The following MAML2 variants were observed in gnomAD, a reference collection of about 807,000 sequenced individuals.
MAML2 encodes mastermind like transcriptional coactivator 2, also known as mastermind-like protein 2.
A neutral mutation model predicts 96.1 loss-of-function variants in MAML2; 22 were observed. The ratio of observed to expected loss-of-function variants is 0.23; its 90% CI spans 0.16 to 0.33. MAML2 has a LOEUF of 0.33. Ranked by LOEUF, MAML2 falls within the 10% of genes least tolerant of loss-of-function variation. The pLI, the probability that MAML2 is intolerant of heterozygous loss-of-function variation, is 1.00. For synonymous variants in MAML2, 561 were observed against 521.3 expected (o/e 1.08, Z -1.04); for missense variants, 1,367 against 1,392.4 (o/e 0.98, Z 0.29).
chr11:95,979,395 T>C lies in MAML2; in HGVS notation c.3024A>G (p.Gln1008=), dbSNP rs753841139. ...GAGGAGCCACTGCCCTCTGGGAAAA[T>C]TGCTGGCTACCTACTGCCTGTTGCA... ...QSLQQAVGSQ[Q]FSQRAVAPPN... The change falls in exon 5 of 5, where the codon CAA becomes CAG. Residue 1008 remains glutamine (Q), a synonymous_variant. Transcript: ENST00000524717. 4 of 1,613,596 alleles carry C rather than the reference T, an allele frequency of 2.5e-6. No individual in the cohort carries two copies. Among genetic ancestry groups the C allele is most frequent in the Non-Finnish European group, 3.4e-6 (4 of 1,179,748 alleles).
chr11:96,001,419 T>C (rs545266258), intron 2 of MAML2, among the ~76,000 whole-genome samples: 3 of 152,332 alleles, frequency 2.0e-5, no homozygotes, highest in African/African-American at 7.2e-5. Flanking sequence ...TTCTGCTCTA[T>C]AAGTTGGCTT....
intron 1 of MAML2, among the ~76,000 whole-genome samples, chr11:96,238,337 G>A (rs1862391691): frequency 6.6e-6 from 1 of 152,164 alleles, no homozygotes; most frequent in Non-Finnish European, 1.5e-5. Context: ...GTGTATCTGT[G>A]TTATGTTTCA....
chr11:96,047,636 C>T (rs776183560), intron 2 of MAML2, among the ~76,000 whole-genome samples: 40 of 152,132 alleles, frequency 2.6e-4, no homozygotes, highest in Non-Finnish European at 4.6e-4. Context: ...GTTGGCCGGG[C>T]GCGGTGGCTC....
intron 1 of MAML2, among the ~76,000 whole-genome samples, chr11:96,276,833 A>C (rs1862995720): frequency 6.6e-6 from 1 of 151,942 alleles, no homozygotes; most frequent in African/African-American, 2.4e-5. Context: ...AAAAAAAAAA[A>C]AAAAGCTTTT....
intron 2 of MAML2, among the ~76,000 whole-genome samples, chr11:96,000,721 T>C (rs969303899): frequency 2.0e-5 from 3 of 152,208 alleles, no homozygotes; most frequent in Non-Finnish European, 4.4e-5. Flanking sequence ...CATCCAACTC[T>C]ATTTTACAGA....
At chr11:96,233,122 A>AGGG (rs1555027563) in intron 1 of MAML2, among the ~76,000 whole-genome samples, 1 of 151,814 alleles carries the variant, frequency 6.6e-6, no homozygotes, top group African/African-American at 2.4e-5. Flanking sequence ...GCAAACAAAG[A>AGGG]AAAAACAATA....
intron 2 of MAML2, among the ~76,000 whole-genome samples, chr11:96,044,488 C>G (rs2135759390): frequency 1.3e-5 from 2 of 152,230 alleles, no homozygotes; most frequent in South Asian, 4.2e-4. Context: ...TATATTATGT[C>G]CCAGGCATTG....
In MAML2 at chr11:96,243,619, GCTGAAAGTGCCTT is replaced by G. The variant is rs368416145; in HGVS notation, c.513+97751_513+97763del. 7.0e-3 allele frequency among the ~76,000 whole-genome samples: 1,058 copies of G among 151,784 alleles called. 11 individuals carry two copies. Among genetic ancestry groups the G allele is most frequent in the African/African-American group, 0.019 (806 of 41,364 alleles). On this transcript the variant is annotated intron_variant, in intron 1 of 4. Coordinates refer to ENST00000524717, the MANE Select transcript of MAML2 (RefSeq NM_032427.4). ...CCCACATGTTAAAACTATGAGAAAA[GCTGAAAGTGCCTT>G]CTGAACAGTCATCCTTCTTTTTCTT...
At chr11:96,265,670 G>C (rs1862814926) in intron 1 of MAML2, among the ~76,000 whole-genome samples, 1 of 152,212 alleles carries the variant, frequency 6.6e-6, no homozygotes, top group Admixed American at 6.5e-5. Flanking sequence ...GTGGAGAGGA[G>C]CACATTGGCA....
At chr11:96,118,972 C>T (rs1860291328) in intron 1 of MAML2, among the ~76,000 whole-genome samples, 1 of 152,032 alleles carries the variant, frequency 6.6e-6, no homozygotes, top group African/African-American at 2.4e-5. Context: ...CCCTCTGTCT[C>T]TCCATAGTAA....
intron 1 of MAML2, among the ~76,000 whole-genome samples, chr11:96,166,291 A>G (rs765268754): frequency 6.6e-6 from 1 of 151,760 alleles, no homozygotes; most frequent in African/African-American, 2.4e-5. Context: ...AAAACTCCCA[A>G]CTGAATTGAG....
chr11:96,011,880 A>G (rs1465998306), intron 2 of MAML2, among the ~76,000 whole-genome samples: 1 of 152,208 alleles, frequency 6.6e-6, no homozygotes, highest in African/African-American at 2.4e-5. Flanking sequence ...ACACAATTTA[A>G]TATTTTATTT....
At chr11:96,328,060 C>A (rs1342893389) in intron 1 of MAML2, among the ~76,000 whole-genome samples, 3 of 152,098 alleles carry the variant, frequency 2.0e-5, no homozygotes, top group African/African-American at 4.8e-5. Context: ...TGTGCCACTG[C>A]ACTCCAACCT....
intron 2 of MAML2, among the ~76,000 whole-genome samples, chr11:96,080,012 G>A (rs1859507461): frequency 1.3e-5 from 2 of 152,134 alleles, no homozygotes; most frequent in African/African-American, 4.8e-5. Flanking sequence ...AGAGATGTAA[G>A]GAAACTTCAC....
chr11:95,980,078 C>T (rs574968744), intron 4 of MAML2, 115 bp from the exon 5 acceptor site: 52 of 752,298 alleles, frequency 6.9e-5, no homozygotes, highest in Middle Eastern at 3.1e-4. Context: ...ACAATTTAGG[C>T]GAAATAATGA....
At chr11:96,090,191 G>A (rs1011704880) in intron 2 of MAML2, among the ~76,000 whole-genome samples, 1 of 152,062 alleles carries the variant, frequency 6.6e-6, no homozygotes, top group African/African-American at 2.4e-5. Flanking sequence ...CTGCTGGATA[G>A]TGAAAAATTA....
At chr11:96,006,908 C>A (rs936457363) in intron 2 of MAML2, among the ~76,000 whole-genome samples, 66 of 150,838 alleles carry the variant, frequency 4.4e-4, no homozygotes, top group Admixed American at 4.3e-3. Context: ...CACACACACA[C>A]ACACACACGA....
intron 1 of MAML2, among the ~76,000 whole-genome samples, chr11:96,288,879 T>C (rs1863174764): frequency 6.6e-6 from 1 of 152,220 alleles, no homozygotes; most frequent in Non-Finnish European, 1.5e-5. Flanking sequence ...AAGTCAAAAA[T>C]ATAATTTTTC....
At chr11:96,018,624 T>A (rs1858390315) in intron 2 of MAML2, among the ~76,000 whole-genome samples, 1 of 152,202 alleles carries the variant, frequency 6.6e-6, no homozygotes, top group Non-Finnish European at 1.5e-5. Flanking sequence ...TCCTGATAAG[T>A]CAAGCTCCGT....
Sources: allele counts gnomAD v4.1 joint callset (sites outside exome capture counted in the v4.1 genomes callset), GRCh38; gene constraint gnomAD v4.1.1; transcripts MANE v1.5; gene names NCBI Gene and HGNC (gene_info 2026-07-23, HGNC 2026-07-21).